Variants in CLK3 observed in about 807,000 individuals in gnomAD.
CLK3 encodes dual specificity protein kinase CLK3.
Under a neutral mutation model 65.2 loss-of-function variants are expected in CLK3, and 24 were observed. The observed-to-expected ratio is 0.37, with a 90% CI of 0.27 to 0.52. The LOEUF is 0.52. Ranked by LOEUF, CLK3 falls within the 20% of genes least tolerant of loss-of-function variation. The pLI, the probability that CLK3 is intolerant of heterozygous loss-of-function variation, is 0.92. For missense variants in CLK3, 506 were observed against 660.0 expected (o/e 0.77, Z 2.56); for synonymous variants, 252 against 240.8 (o/e 1.05, Z -0.43).
At chr15:74,628,199 G>A (rs1157647433) in intron 10 of CLK3, 147 bp downstream of exon 10, 3 of 663,884 alleles carry the variant, frequency 4.5e-6, no homozygotes, top group African/African-American at 1.8e-5. Flanking sequence ...ACCCTTTAAG[G>A]ATGTAGATGC....
chr15:74,619,969 A>G, intron 2 of CLK3, 40 bp from the exon 3 acceptor site: 1 of 1,612,782 alleles, frequency 6.2e-7, no homozygotes. Context: ...GCTAACAGCA[A>G]GGACCCAGCT....
At position 74,622,989 on chromosome 15, in the gene CLK3, G is replaced by A. The variant is rs1161618432; in HGVS notation, c.533+429G>A. 6.6e-5 allele frequency among the ~76,000 whole-genome samples: 10 copies of A among 152,212 alleles called. No individual in the cohort carries two copies. The highest frequency in any genetic ancestry group is 6.5e-4 in the Admixed American group (10 of 15,282). ...TCCCATTCCCTGAGGGTCTGCCTGA[G>A]AGGCTGTGCAGATCTCAGTCGAGAG... On this transcript the variant is annotated intron_variant, in intron 5 of 12. Transcript: ENST00000395066. The surrounding 1 kb of genome is among the most constrained non-coding windows in gnomAD (Gnocchi z 4.6).
At position 74,621,958 on chromosome 15, in the gene CLK3, G is replaced by C; in HGVS notation, c.370-162G>C. On this transcript the variant is annotated intron_variant, in intron 3 of 12. Transcript: ENST00000395066. The surrounding 1 kb of genome is among the most constrained non-coding windows in gnomAD (Gnocchi z 4.8). ...TTGCAATATCCCTATCGTTATATAT[G>C]CTGTGTGCCTTATGAAATGCTGGGA... The C allele has an allele frequency of 1.4e-6, 1 of 698,914 alleles. No homozygotes were observed. 43.3% of individuals were successfully genotyped at this position (698,914 alleles called of 1,614,324 possible).
chr15:74,619,419 C>T, intron 2 of CLK3, 71 bp downstream of exon 2: 2 of 1,539,002 alleles, frequency 1.3e-6, no homozygotes, highest in South Asian at 1.2e-5. Context: ...GCTCCAGACT[C>T]CTTGAGATGA....
intron 1 of CLK3, among the ~76,000 whole-genome samples, chr15:74,616,540 T>G (rs1471276357): frequency 6.6e-6 from 1 of 152,236 alleles, no homozygotes; most frequent in African/African-American, 2.4e-5. Context: ...AGTCTCTAGC[T>G]TTAGTTCCGG....
intron 1 of CLK3, among the ~76,000 whole-genome samples, chr15:74,617,843 G>C (rs1760054096): frequency 6.6e-6 from 1 of 152,220 alleles, no homozygotes; most frequent in African/African-American, 2.4e-5. Flanking sequence ...AGTAATTGCA[G>C]GAAAACAGTG....
At position 74,622,566 on chromosome 15, in the gene CLK3, C is replaced by G. The variant is rs747244121; in HGVS notation, c.533+6C>G. The G allele has an allele frequency of 1.2e-6, 2 of 1,606,478 alleles. No individual in the cohort carries two copies. Among genetic ancestry groups the G allele is most frequent in the East Asian group, 2.2e-5 (1 of 44,742 alleles). ...GAGTGCTTGGACCATGCCAGGTGAG[C>G]GAGCTGCGGCAGTACAGCTGGCTCC... On this transcript the variant is annotated splice_donor_region_variant and intron_variant, in intron 5 of 12. Coordinates refer to ENST00000395066, the MANE Select transcript of CLK3 (RefSeq NM_001130028.2). The surrounding 1 kb of genome is among the most constrained non-coding windows in gnomAD (Gnocchi z 4.6).
Position 74,625,861 on chromosome 15 carries a change from A to G in CLK3, c.710A>G (p.Glu237Gly). The change falls in exon 7 of 13, where the codon GAG (glutamate) becomes GGG (glycine). Residue 237 changes from glutamate to glycine, a missense_variant. Transcript: ENST00000395066. Reference sequence around the variant, plus strand: ...CACGGTCACATGTGCATCGCCTTTGAGCTCCTGGGCAAGAACACCTTTGAG... The same window carrying G: ...CACGGTCACATGTGCATCGCCTTTGGGCTCCTGGGCAAGAACACCTTTGAG... ...NFHGHMCIAF[E>G]LLGKNTFEFL... The G allele has an allele frequency of 6.2e-7, 1 of 1,614,038 alleles. No homozygotes were observed. Among genetic ancestry groups the G allele is most frequent in the Non-Finnish European group, 8.5e-7 (1 of 1,179,990 alleles).
At position 74,618,239 on chromosome 15, in the gene CLK3, G is replaced by C. The variant is rs552503937; in HGVS notation, c.1-958G>C. ...GAGGCAGTCAGGGATTGACGTATGG[G>C]TGGAGCAGGTTGCTGGCCTCACATG... On this transcript the variant is annotated intron_variant, in intron 1 of 12. Coordinates refer to ENST00000395066, the MANE Select transcript of CLK3 (RefSeq NM_001130028.2). 2.6e-5 allele frequency among the ~76,000 whole-genome samples: 4 copies of C among 152,364 alleles called. No homozygotes were observed. The South Asian group carries it at 8.3e-4, about 32-fold the overall frequency.
Position 74,627,450 on chromosome 15 carries a change from TTGG to T in CLK3, c.912+8_912+10del, listed in dbSNP as rs768859195. On this transcript the variant is annotated splice_donor_5th_base_variant and intron_variant, in intron 8 of 12. Coordinates refer to ENST00000395066, the MANE Select transcript of CLK3 (RefSeq NM_001130028.2). The surrounding 1 kb of genome is among the most constrained non-coding windows in gnomAD (Gnocchi z 4.3). ...AACCCTCTACAATGAGCACAAGGTA[TTGG>T]TGGGGGTAAGGGTGAGGCCCTGTTT... 3.1e-6 allele frequency: 5 copies of T among 1,613,962 alleles called. No homozygotes were observed. In the African/African-American group the frequency reaches 4.0e-5, roughly 13 times the overall value.
intron 11 of CLK3, 41 bp from the exon 12 acceptor site, chr15:74,628,901 C>T: frequency 6.9e-7 from 1 of 1,439,906 alleles, no homozygotes; most frequent in Non-Finnish European, 9.8e-7. Context: ...GGCTTGTCCC[C>T]TTACTACTCC....
At chr15:74,614,270 C>T (rs1213432035), upstream of CLK3, among the ~76,000 whole-genome samples, 2 of 152,198 alleles carry the variant, frequency 1.3e-5, no homozygotes, top group Non-Finnish European at 2.9e-5. Context: ...ACCTCAGCCT[C>T]CCAAAGTACT....
At chr15:74,615,148 G>A (rs2062041260), upstream of CLK3, 1 of 344,194 alleles carries the variant, frequency 2.9e-6, no homozygotes, top group Non-Finnish European at 5.2e-6. Context: ...TTTGTCTAGC[G>A]GGGGAGTCTT....
chr15:74,619,111 A>T lies in CLK3; in HGVS notation c.1-86A>T, dbSNP rs1019524181. 7.1e-6 allele frequency: 11 copies of T among 1,548,928 alleles called. No homozygotes were observed. In the African/African-American group the frequency reaches 1.4e-4, roughly 19 times the overall value. The stretch of plus-strand genomic sequence containing the variant: ...TTCAAACAGAACAATGGGCCTCTTC[A>T]GGAGCAACCGGGAAGCCCCAGCAGC... On this transcript the variant is annotated intron_variant, in intron 1 of 12. Transcript: ENST00000395066.
At chr15:74,625,602 G>A (rs760660961) in intron 6 of CLK3, among the ~76,000 whole-genome samples, 200 bp from the exon 7 acceptor site, 1 of 152,182 alleles carries the variant, frequency 6.6e-6, no homozygotes, top group Non-Finnish European at 1.5e-5. Flanking sequence ...CTTAGTCCTT[G>A]CCCAGAGCTC....
intron 12 of CLK3, 112 bp from the exon 13 acceptor site, chr15:74,629,595 G>C (rs1008191016): frequency 2.7e-6 from 2 of 753,468 alleles, no homozygotes; most frequent in Non-Finnish European, 4.5e-6. Flanking sequence ...CCTCCAAGGA[G>C]GCATCACTGC....
In CLK3 at chr15:74,625,888, TC is replaced by T; in HGVS notation, c.739del (p.Leu247Ter). On this transcript the variant is annotated frameshift_variant, in exon 7 of 13. Transcript: ENST00000395066. LOFTEE classifies it high-confidence loss of function. ...FELLGKNTFE[F>X]LKENNFQPYP... ...CTCCTGGGCAAGAACACCTTTGAGT[TC>T]CTGAAGGAGAATAACTTCCAGCCTT... The T allele has an allele frequency of 6.2e-7, 1 of 1,614,120 alleles. No individual in the cohort carries two copies. Among genetic ancestry groups the T allele is most frequent in the Non-Finnish European group, 8.5e-7 (1 of 1,180,018 alleles).
chr15:74,614,347 T>C (rs2062028069), upstream of CLK3, among the ~76,000 whole-genome samples: 2 of 152,174 alleles, frequency 1.3e-5, no homozygotes, highest in Non-Finnish European at 2.9e-5. Context: ...AGGGTCTCCT[T>C]CTGTCGACCA....
upstream of CLK3, among the ~76,000 whole-genome samples, chr15:74,611,231 C>T (rs974451049): frequency 6.6e-6 from 1 of 152,240 alleles, no homozygotes; most frequent in African/African-American, 2.4e-5. Flanking sequence ...CTCCATTTCC[C>T]TTTCTCCTCT....
Sources: allele counts gnomAD v4.1 joint callset (sites outside exome capture counted in the v4.1 genomes callset), GRCh38; gene constraint gnomAD v4.1.1; non-coding constraint Gnocchi (gnomAD v3.1); transcripts MANE v1.5; gene names NCBI Gene and HGNC (gene_info 2026-07-23, HGNC 2026-07-21).